CSMD1: variants seen among roughly 807,000 people sequenced by gnomAD.
The protein encoded by CSMD1 is CUB and Sushi multiple domains 1.
A neutral mutation model predicts 417.5 loss-of-function variants in CSMD1; 213 were observed. That is an observed-to-expected ratio of 0.51 (90% CI 0.46 to 0.57). The LOEUF (loss-of-function observed/expected upper bound fraction) is 0.57, where lower values mean the gene tolerates loss of function less well. CSMD1 is among the 20% of genes least tolerant of loss of function. The probability of loss-of-function intolerance (pLI) is 0.00; values close to 1 mark genes in which losing one functional copy is unlikely to be tolerated. For synonymous variants in CSMD1, 2,862 were observed against 1,736.8 expected (o/e 1.65, Z -16.11); for missense variants, 6,923 against 4,529.7 (o/e 1.53, Z -15.17).
intron 15 of CSMD1, among the ~76,000 whole-genome samples, chr8:3,400,719 T>G (rs1811987820): frequency 6.6e-6 from 1 of 151,804 alleles, no homozygotes; most frequent in African/African-American, 2.4e-5. Context: ...AAGAAAAATT[T>G]TATTCAGTGA....
chr8:4,107,298 A>G (rs1037694819), intron 3 of CSMD1, among the ~76,000 whole-genome samples: 7 of 152,224 alleles, frequency 4.6e-5, no homozygotes, highest in Admixed American at 1.3e-4. Flanking sequence ...GCACTGCCTC[A>G]TTTAGAACTT....
intron 3 of CSMD1, among the ~76,000 whole-genome samples, chr8:4,076,465 G>A (rs1799827160): frequency 1.3e-5 from 2 of 152,154 alleles, no homozygotes; most frequent in African/African-American, 4.8e-5. Context: ...CTGTAATAGT[G>A]ACAGCAGGTG....
At chr8:3,784,608 A>G (rs1799347640) in intron 5 of CSMD1, among the ~76,000 whole-genome samples, 1 of 152,228 alleles carries the variant, frequency 6.6e-6, no homozygotes, top group Admixed American at 6.5e-5. Context: ...ATGCTTTAGC[A>G]AAGAACAGAA....
intron 1 of CSMD1, among the ~76,000 whole-genome samples, chr8:4,797,704 C>A (rs1487315078): frequency 6.6e-6 from 1 of 152,088 alleles, no homozygotes; most frequent in Non-Finnish European, 1.5e-5. Flanking sequence ...TCACAAGCAA[C>A]AAAGATACCT....
At chr8:3,691,592 G>C (rs544036517) in intron 7 of CSMD1, among the ~76,000 whole-genome samples, 2 of 152,068 alleles carry the variant, frequency 1.3e-5, no homozygotes, top group Non-Finnish European at 2.9e-5. Context: ...TCCAACCTTT[G>C]GCTTCTATCC....
At chr8:4,974,787 G>T (rs940585599) in intron 1 of CSMD1, among the ~76,000 whole-genome samples, 1 of 152,070 alleles carries the variant, frequency 6.6e-6, no homozygotes, top group Admixed American at 6.6e-5. Flanking sequence ...TCTTTGTCAG[G>T]AAAATATGGG....
chr8:4,058,199 T>C (rs1055725139), intron 3 of CSMD1, among the ~76,000 whole-genome samples: 3 of 152,138 alleles, frequency 2.0e-5, no homozygotes, highest in Admixed American at 2.0e-4. Context: ...TTGTATCCTC[T>C]TTTATTTCAT....
At chr8:3,124,800 C>G (rs186463813) in intron 41 of CSMD1, among the ~76,000 whole-genome samples, 34 of 152,302 alleles carry the variant, frequency 2.2e-4, no homozygotes, top group Admixed American at 2.2e-3. Flanking sequence ...TGATAAATCC[C>G]ATCTGCCAGT....
chr8:3,366,670 C>T (rs1809586748), intron 20 of CSMD1, among the ~76,000 whole-genome samples: 1 of 152,140 alleles, frequency 6.6e-6, no homozygotes, highest in South Asian at 2.1e-4. Context: ...AATCAGGTGA[C>T]AACAGACCCA....
intron 33 of CSMD1, among the ~76,000 whole-genome samples, chr8:3,192,781 T>G (rs1390009054): frequency 6.6e-6 from 1 of 152,132 alleles, no homozygotes; most frequent in Non-Finnish European, 1.5e-5. Context: ...CTTTGTGGAG[T>G]CATGTTGGTG....
chr8:2,935,851 T>C lies in CSMD1; in HGVS notation c.*2734A>G, dbSNP rs971976419. The C allele has an allele frequency of 6.6e-6, 1 of 152,220 alleles. No homozygotes were observed. Among genetic ancestry groups the C allele is most frequent in the Non-Finnish European group, 1.5e-5 (1 of 68,036 alleles). 9.4% of individuals were successfully genotyped at this position (152,220 alleles called of 1,614,324 possible). ...ATATTTTACAGAAGAAAAAAATTAT[T>C]GCAGCTAGCCTGAAAAAAGGCAAGA... On this transcript the variant is annotated 3_prime_UTR_variant, in exon 70 of 70. Coordinates refer to ENST00000635120, the MANE Select transcript of CSMD1 (RefSeq NM_033225.6).
intron 3 of CSMD1, among the ~76,000 whole-genome samples, chr8:4,186,476 AAAAT>A (rs1163425477): frequency 5.3e-5 from 8 of 152,244 alleles, no homozygotes; most frequent in Admixed American, 1.3e-4. Context: ...GCTAATAAGG[AAAAT>A]AAATAAATAA....
intron 3 of CSMD1, among the ~76,000 whole-genome samples, chr8:4,189,020 G>A (rs904107148): frequency 2.8e-4 from 43 of 152,176 alleles, no homozygotes; most frequent in African/African-American, 1.0e-3. Flanking sequence ...ACGGTTACTG[G>A]GCAAAGCCAC....
chr8:3,562,789 G>T (rs1307050833), intron 10 of CSMD1, among the ~76,000 whole-genome samples: 1 of 151,932 alleles, frequency 6.6e-6, no homozygotes, highest in Non-Finnish European at 1.5e-5. Flanking sequence ...GTGGGAGGGG[G>T]AAGAGGATCG....
At chr8:4,029,321 C>A (rs976977643) in intron 4 of CSMD1, among the ~76,000 whole-genome samples, 2 of 152,116 alleles carry the variant, frequency 1.3e-5, no homozygotes, top group Admixed American at 1.3e-4. Context: ...ATAATGCATA[C>A]CCAAGAATGG....
At chr8:3,781,361 G>C (rs1799171217) in intron 5 of CSMD1, among the ~76,000 whole-genome samples, 1 of 152,108 alleles carries the variant, frequency 6.6e-6, no homozygotes, top group Non-Finnish European at 1.5e-5. Flanking sequence ...TCTAGGGTCA[G>C]GTCAAGCGCA....
At chr8:4,808,914 G>C (rs962462772) in intron 1 of CSMD1, among the ~76,000 whole-genome samples, 1 of 152,170 alleles carries the variant, frequency 6.6e-6, no homozygotes, top group South Asian at 2.1e-4. Flanking sequence ...AACTGAGCTG[G>C]ATTATTTGGG....
chr8:4,324,512 G>A (rs1273129522), intron 3 of CSMD1, among the ~76,000 whole-genome samples: 1 of 152,144 alleles, frequency 6.6e-6, no homozygotes, highest in African/African-American at 2.4e-5. Context: ...CACAAAAGAG[G>A]GTTCTTCTCC....
chr8:4,125,552 A>G (rs1802715222), intron 3 of CSMD1, among the ~76,000 whole-genome samples: 1 of 152,216 alleles, frequency 6.6e-6, no homozygotes, highest in Non-Finnish European at 1.5e-5. Context: ...CAACTTTGTT[A>G]AAAATAAACA....
Sources: allele counts gnomAD v4.1 joint callset (sites outside exome capture counted in the v4.1 genomes callset), GRCh38; gene constraint gnomAD v4.1.1; transcripts MANE v1.5; gene names NCBI Gene and HGNC (gene_info 2026-07-23, HGNC 2026-07-21).